Variants in KCNMA1 observed in about 807,000 individuals in gnomAD.
The protein encoded by KCNMA1 is potassium calcium-activated channel subfamily M alpha 1.
A neutral mutation model predicts 140.0 loss-of-function variants in KCNMA1; 29 were observed. The observed-to-expected ratio is 0.21, with a 90% CI of 0.15 to 0.28. KCNMA1 has a LOEUF of 0.28. Ranked by LOEUF, KCNMA1 falls within the 10% of genes least tolerant of loss-of-function variation. The probability of loss-of-function intolerance (pLI) is 1.00; values close to 1 mark genes in which losing one functional copy is unlikely to be tolerated. For missense variants in KCNMA1, 880 were observed against 1,602.2 expected, an observed-to-expected ratio of 0.55 and a Z score of 7.70; for synonymous variants, 612 against 611.9, an observed-to-expected ratio of 1.00 and a Z score of 0.00.
chr10:76,931,162 G>GCA (rs371987153), intron 23 of KCNMA1, among the ~76,000 whole-genome samples: 8 of 151,682 alleles, frequency 5.3e-5, no homozygotes, highest in Non-Finnish European at 1.0e-4. Context: ...ACACACCCGG[G>GCA]CACACACACA....
At chr10:76,879,407 A>G (rs1248579299) in intron 29 of KCNMA1, among the ~76,000 whole-genome samples, 2 of 152,106 alleles carry the variant, frequency 1.3e-5, no homozygotes, top group African/African-American at 2.4e-5. Context: ...AACAGATTGG[A>G]CGATAGGAAT....
At position 77,157,343 on chromosome 10, in the gene KCNMA1, A is replaced by T. The variant is rs181143981; in HGVS notation, c.808+26078T>A. On this transcript the variant is annotated intron_variant, in intron 5 of 27. Coordinates refer to ENST00000286628, the MANE Select transcript of KCNMA1 (RefSeq NM_001161352.2). Reference sequence around the variant, plus strand: ...TGTAATCCCAGCTACTCGGGAGGCTAGTACAAGTTCATTTTATATAAATTT... The same window carrying T: ...TGTAATCCCAGCTACTCGGGAGGCTTGTACAAGTTCATTTTATATAAATTT... 3.6e-3 allele frequency among the ~76,000 whole-genome samples: 541 copies of T among 152,252 alleles called. 7 individuals carry two copies. Among genetic ancestry groups the T allele is most frequent in the African/African-American group, 0.012 (509 of 41,564 alleles).
intron 6 of KCNMA1, among the ~76,000 whole-genome samples, chr10:77,118,697 C>T (rs575554399): frequency 6.6e-6 from 1 of 152,286 alleles, no homozygotes; most frequent in African/African-American, 2.4e-5. Context: ...CGAAAAGATC[C>T]TTGACTGCCC....
chr10:77,355,154 T>A (rs1273594586), intron 2 of KCNMA1: 2 of 156,706 alleles, frequency 1.3e-5, no homozygotes. Flanking sequence ...CTCATTTTTA[T>A]CTTGCTGCTG....
intron 5 of KCNMA1, among the ~76,000 whole-genome samples, chr10:77,150,343 T>C (rs990544028): frequency 7.2e-5 from 11 of 152,204 alleles, no homozygotes; most frequent in African/African-American, 2.4e-4. Flanking sequence ...ACTGACAACA[T>C]GAGGGGCCAA....
intron 3 of KCNMA1, chr10:77,250,965 C>T: frequency 1.8e-6 from 1 of 548,796 alleles, no homozygotes; most frequent in East Asian, 3.1e-5. Flanking sequence ...AGCAAGAAGA[C>T]TTGACCTCAT....
intron 14 of KCNMA1, among the ~76,000 whole-genome samples, chr10:77,050,149 T>C (rs879489564): frequency 5.3e-5 from 8 of 152,104 alleles, no homozygotes; most frequent in Non-Finnish European, 1.0e-4. Context: ...TCTTCATTTT[T>C]TGGATTCCAA....
rs183656765 is a variant in KCNMA1, at chr10:77,180,616, T to C, written c.808+2805A>G. On this transcript the variant is annotated intron_variant, in intron 5 of 27. Transcript: ENST00000286628. ...CGTATCATTTACTTCCTTATTAGGT[T>C]CAGTGTTTCCTGCTTTCCCAACACT... Among the ~76,000 whole-genome samples, 255 of 152,290 alleles carry C rather than the reference T, an allele frequency of 1.7e-3. No individual in the cohort carries two copies. In the Middle Eastern group the frequency reaches 0.02, roughly 12 times the overall value.
intron 14 of KCNMA1, among the ~76,000 whole-genome samples, chr10:77,069,195 C>T (rs997686204): frequency 2.7e-4 from 41 of 152,152 alleles, no homozygotes; most frequent in Admixed American, 1.5e-3. Flanking sequence ...CTCACTAGAA[C>T]CTGACAGGCT....
At chr10:77,048,208 A>G (rs1166121357) in intron 14 of KCNMA1, among the ~76,000 whole-genome samples, 2 of 152,320 alleles carry the variant, frequency 1.3e-5, no homozygotes, top group East Asian at 3.9e-4. Context: ...TTCACAATCC[A>G]TATAAAATTA....
At chr10:77,150,299 T>C (rs1388753110) in intron 5 of KCNMA1, among the ~76,000 whole-genome samples, 3 of 152,212 alleles carry the variant, frequency 2.0e-5, no homozygotes, top group Admixed American at 6.5e-5. Flanking sequence ...GTCTTCCTTC[T>C]TCTTCCATCA....
intron 23 of KCNMA1, among the ~76,000 whole-genome samples, chr10:76,915,260 G>C (rs1463076533): frequency 2.0e-5 from 3 of 152,136 alleles, no homozygotes; most frequent in African/African-American, 7.2e-5. Context: ...TCACTTCATA[G>C]TTCCCTAAAA....
chr10:77,507,020 G>A (rs1262996624), intron 1 of KCNMA1, among the ~76,000 whole-genome samples: 1 of 152,176 alleles, frequency 6.6e-6, no homozygotes, highest in East Asian at 1.9e-4. Context: ...TTCCAGAGGA[G>A]CAGGCCATGC....
intron 2 of KCNMA1, among the ~76,000 whole-genome samples, chr10:77,363,363 C>T (rs576476705): frequency 7.2e-4 from 109 of 152,280 alleles, no homozygotes; most frequent in Admixed American, 1.6e-3. Flanking sequence ...TCTGCAGCCA[C>T]TGAGGCTGCA....
intron 14 of KCNMA1, among the ~76,000 whole-genome samples, chr10:77,069,713 A>G (rs1162187853): frequency 5.3e-5 from 8 of 152,172 alleles, no homozygotes; most frequent in Admixed American, 5.2e-4. Flanking sequence ...TATCTTTGAG[A>G]GTGGCATTGA....
At chr10:77,133,085 T>C (rs530013440) in intron 5 of KCNMA1, among the ~76,000 whole-genome samples, 2 of 148,478 alleles carry the variant, frequency 1.3e-5, no homozygotes, top group East Asian at 4.0e-4. Context: ...CAGAAAAAAA[T>C]TAAAGTATGT....
intron 16 of KCNMA1, 127 bp downstream of exon 16, chr10:77,027,696 G>C (rs1295728987): frequency 4.8e-6 from 4 of 825,544 alleles, no homozygotes; most frequent in Admixed American, 3.4e-5. Context: ...TCTAGGGTCA[G>C]AGAGGTTTTA....
Position 77,161,643 on chromosome 10 carries a change from C to T in KCNMA1, c.808+21778G>A, listed in dbSNP as rs1480364657. Among the ~76,000 whole-genome samples the T allele has an allele frequency of 4.6e-5, 7 of 152,212 alleles. No homozygotes were observed. In the South Asian group the frequency reaches 8.3e-4, roughly 18 times the overall value. On this transcript the variant is annotated intron_variant, in intron 5 of 27. Coordinates refer to ENST00000286628, the MANE Select transcript of KCNMA1 (RefSeq NM_001161352.2). ...ATCATTCAATTACTATCCTATTAAG[C>T]TGAATTCAGTTATGAGTGTGTTTAG...
intron 3 of KCNMA1, among the ~76,000 whole-genome samples, chr10:77,185,333 C>A (rs1218326990): frequency 1.3e-5 from 2 of 152,018 alleles, no homozygotes; most frequent in Non-Finnish European, 2.9e-5. Flanking sequence ...GTTCCTCATG[C>A]CCTCCAACGC....
Sources: allele counts gnomAD v4.1 joint callset (sites outside exome capture counted in the v4.1 genomes callset), GRCh38; gene constraint gnomAD v4.1.1; transcripts MANE v1.5; gene names NCBI Gene and HGNC (gene_info 2026-07-23, HGNC 2026-07-21).